Variants in TRMT1L observed in about 807,000 individuals in gnomAD.
The protein encoded by TRMT1L is tRNA methyltransferase 1L.
TRMT1L carries 28 observed loss-of-function variants against 81.6 expected under a neutral mutation model. The ratio of observed to expected loss-of-function variants is 0.34; its 90% CI spans 0.25 to 0.47. TRMT1L has a LOEUF of 0.47. Among genes scored for constraint, TRMT1L ranks in the 20% least tolerant of loss-of-function variants. The pLI, the probability that TRMT1L is intolerant of heterozygous loss-of-function variation, is 1.00. For missense variants in TRMT1L, 739 were observed against 877.1 expected (o/e 0.84, Z 1.99); for synonymous variants, 301 against 303.2 (o/e 0.99, Z 0.07).
At chr1:185,151,239 TTC>T (rs1049547118) in intron 2 of TRMT1L, among the ~76,000 whole-genome samples, 14 of 152,344 alleles carry the variant, frequency 9.2e-5, no homozygotes, top group African/African-American at 3.4e-4. Context: ...AGTAATTTTT[TTC>T]TTTTTTCTCT....
chr1:185,139,961 T>C lies in TRMT1L; in HGVS notation c.1109+12A>G. 2 of 1,600,170 alleles carry C rather than the reference T, an allele frequency of 1.2e-6. No homozygotes were observed. Among genetic ancestry groups the C allele is most frequent in the African/African-American group, 2.7e-5 (2 of 74,530 alleles). ...AGTTTAGAAAGTGACACGGCAAGTC[T>C]TTTCTACTTACATGAAATCAAAAGA... is the stretch of plus-strand genomic sequence containing the variant. On this transcript the variant is annotated intron_variant, in intron 8 of 14. Coordinates refer to ENST00000367506, the MANE Select transcript of TRMT1L (RefSeq NM_030934.5).
chr1:185,123,444 T>C (rs1247079584), intron 13 of TRMT1L, among the ~76,000 whole-genome samples: 1 of 152,176 alleles, frequency 6.6e-6, no homozygotes, highest in Non-Finnish European at 1.5e-5. Flanking sequence ...AAAGGCCATA[T>C]AATAAATTCT....
At chr1:185,154,005 T>C (rs1653429722) in intron 1 of TRMT1L, among the ~76,000 whole-genome samples, 1 of 152,232 alleles carries the variant, frequency 6.6e-6, no homozygotes. Flanking sequence ...CTATTTCTTG[T>C]TCATCTTTCT....
At chr1:185,150,142 G>A (rs1653302239) in intron 3 of TRMT1L, among the ~76,000 whole-genome samples, 1 of 152,146 alleles carries the variant, frequency 6.6e-6, no homozygotes, top group Admixed American at 6.5e-5. Flanking sequence ...CAGGGTCAGA[G>A]TACTCAGTAT....
chr1:185,150,320 C>T (rs182275799), intron 3 of TRMT1L, 59 bp downstream of exon 3: 1 of 1,241,222 alleles, frequency 8.1e-7, no homozygotes, highest in East Asian at 2.5e-5. Flanking sequence ...AATGCCAAAA[C>T]TGGTAATAAA....
At chr1:185,144,152 C>A in intron 5 of TRMT1L, 123 bp from the exon 6 acceptor site, 1 of 1,068,650 alleles carries the variant, frequency 9.4e-7, no homozygotes, top group East Asian at 2.8e-5. Context: ...TGAAAAATAA[C>A]TTTATATTAT....
At position 185,139,448 on chromosome 1, in the gene TRMT1L, C is replaced by T. The variant is rs986440156; in HGVS notation, c.1241G>A (p.Arg414Gln). The change falls in exon 9 of 15, where the codon CGG (arginine) becomes CAG (glutamine). Residue 414 changes from arginine (R) to glutamine (Q), a missense_variant. Around this residue, in one of 4 missense-constraint regions of TRMT1L, gnomAD observed 331 missense variants for 462.2 expected, o/e 0.72. Coordinates refer to ENST00000367506, the MANE Select transcript of TRMT1L (RefSeq NM_030934.5). ...GACAATGTTACATCCGTAGTGACGC[C>T]GGGCAACATGCTGTGCCTTGGCATA... ...SLYAKAQHVA[R>Q]RHYGCNIVRT... 6.8e-6 allele frequency: 11 copies of T among 1,614,106 alleles called. No homozygotes were observed. Among genetic ancestry groups the T allele is most frequent in the South Asian group, 1.1e-5 (1 of 91,068 alleles).
intron 10 of TRMT1L, among the ~76,000 whole-genome samples, chr1:185,129,385 T>A (rs1338504966): frequency 6.6e-6 from 1 of 152,188 alleles, no homozygotes; most frequent in Non-Finnish European, 1.5e-5. Flanking sequence ...AAGAATCTAA[T>A]TTGGTTTAAA....
rs1025344585 is a variant in TRMT1L at position 185,119,087 on chromosome 1, G to A, written c.*932C>T. On this transcript the variant is annotated 3_prime_UTR_variant, in exon 15 of 15. Transcript: ENST00000367506. The stretch of plus-strand genomic sequence containing the variant: ...AATTTTTATAGTTACATCAGCCTGG[G>A]CTAATTATACAGAAAATTTATACAA... The A allele has an allele frequency of 8.6e-5, 13 of 151,380 alleles. No individual in the cohort carries two copies. Among genetic ancestry groups the A allele is most frequent in the African/African-American group, 3.2e-4 (13 of 41,188 alleles). 9.4% of individuals were successfully genotyped at this position (151,380 alleles called of 1,614,324 possible). A position where few individuals can be genotyped will look rare whatever the true frequency, so the allele number is the denominator to read the frequency against.
rs1360866088 is a variant in TRMT1L at position 185,120,394 on chromosome 1, C to T, written c.1938G>A (p.Met646Ile). 1.3e-6 allele frequency: 2 copies of T among 1,574,570 alleles called. No homozygotes were observed. The highest frequency in any genetic ancestry group is 2.5e-5 in the South Asian group (2 of 81,578). Residue 646 changes from methionine (M) to isoleucine (I), a missense_variant, in exon 14 of 15, where the codon ATG becomes ATA. Coordinates refer to ENST00000367506, the MANE Select transcript of TRMT1L (RefSeq NM_030934.5). ...YNIHRHSIKG[M>I]NMPKLKKFLC... ...ACTGGGTGTCTTACTTTGGCATATT[C>T]ATTCCTTTAATGCTGTGTCTGTGAA...
chr1:185,153,464 C>T (rs997595726), intron 1 of TRMT1L, among the ~76,000 whole-genome samples: 10 of 152,058 alleles, frequency 6.6e-5, no homozygotes, highest in South Asian at 4.1e-4. Flanking sequence ...AGTCTATAAA[C>T]GCAAAACGTT....
intron 1 of TRMT1L, 40 bp from the exon 2 acceptor site, chr1:185,151,975 G>T (rs1238520540): frequency 1.6e-6 from 2 of 1,281,244 alleles, no homozygotes; most frequent in Non-Finnish European, 2.2e-6. Flanking sequence ...TTAACAGTTT[G>T]TATTCTAGTT....
At chr1:185,144,839 C>G (rs546802902) in intron 5 of TRMT1L, among the ~76,000 whole-genome samples, 48 of 151,778 alleles carry the variant, frequency 3.2e-4, no homozygotes, top group Non-Finnish European at 5.0e-4. Flanking sequence ...GCATATCTCA[C>G]AAGGTCAGAC....
chr1:185,137,391 G>T, intron 10 of TRMT1L: 1 of 656,898 alleles, frequency 1.5e-6, no homozygotes, highest in Non-Finnish European at 2.7e-6. Flanking sequence ...AGAAGGCAGA[G>T]CTAGAAAGCA....
intron 1 of TRMT1L, among the ~76,000 whole-genome samples, chr1:185,155,775 C>G (rs1653511674): frequency 1.3e-5 from 2 of 152,186 alleles, no homozygotes; most frequent in African/African-American, 4.8e-5. Context: ...TAAACCACCA[C>G]TTAGAAAACA....
chr1:185,125,373 C>T (rs1652598939), intron 11 of TRMT1L, among the ~76,000 whole-genome samples: 1 of 151,972 alleles, frequency 6.6e-6, no homozygotes, highest in Non-Finnish European at 1.5e-5. Flanking sequence ...CATCATGTTG[C>T]CCAGGCTGAT....
At chr1:185,131,323 T>G (rs1652765170) in intron 10 of TRMT1L, among the ~76,000 whole-genome samples, 1 of 152,018 alleles carries the variant, frequency 6.6e-6, no homozygotes, top group Admixed American at 6.6e-5. Flanking sequence ...TTTAAAACAA[T>G]TTTTCACTGT....
intron 1 of TRMT1L, among the ~76,000 whole-genome samples, chr1:185,154,540 T>C (rs931472882): frequency 6.6e-6 from 1 of 152,244 alleles, no homozygotes; most frequent in South Asian, 2.1e-4. Context: ...CTAACCTATC[T>C]AATTTGTAAC....
chr1:185,136,281 TGCC>T (rs1157460032), intron 10 of TRMT1L, among the ~76,000 whole-genome samples: 2 of 151,978 alleles, frequency 1.3e-5, no homozygotes, highest in Non-Finnish European at 2.9e-5. Context: ...TGGTGGTGTG[TGCC>T]TATAGTCCCA....
Sources: gnomAD v4.1 joint callset for allele counts (sites outside exome capture counted in the v4.1 genomes callset) on GRCh38, gnomAD v4.1.1 for gene constraint, gnomAD v4.1.1 regional missense constraint, MANE v1.5 for transcripts, NCBI Gene and HGNC (gene_info 2026-07-23, HGNC 2026-07-21) for gene names.